The following ADAMTSL1 variants were observed in gnomAD, a reference collection of about 807,000 sequenced individuals.
The protein encoded by ADAMTSL1 is ADAMTS-like protein 1.
In ADAMTSL1, 126 loss-of-function variants were observed where a neutral mutation model predicts 201.8. The ratio of observed to expected loss-of-function variants is 0.62; its 90% confidence interval spans 0.54 to 0.72. ADAMTSL1 has a LOEUF of 0.72. Ranked by LOEUF, ADAMTSL1 falls within the 30% of genes least tolerant of loss-of-function variation. The pLI is 0.00. For missense variants in ADAMTSL1, 2,679 were observed against 2,277.8 expected (o/e 1.18, Z -3.59); for synonymous variants, 1,121 against 903.4 (o/e 1.24, Z -4.32).
In ADAMTSL1 at chr9:18,662,018, A is replaced by G; in HGVS notation, c.1030A>G (p.Asn344Asp). The change falls in exon 9 of 29, where the codon AAC becomes GAC. Residue 344 changes from asparagine to aspartate, a missense_variant. Physicochemically the swap from Asn to Asp is conservative, Grantham distance 23. Transcript: ENST00000380548. ...ADQYCHYYPE[N>D]IKPKPKLQEC... ...CCAATACTGTCACTATTACCCAGAG[A>G]ACATCAAACCCAAACCCAAGCTTCA... 1 of 1,614,092 alleles carries G rather than the reference A, an allele frequency of 6.2e-7. No individual in the cohort carries two copies.
chr9:18,040,042 T>C (rs1821368763), intron 1 of ADAMTSL1, among the ~76,000 whole-genome samples: 4 of 152,228 alleles, frequency 2.6e-5, no homozygotes, highest in Admixed American at 2.6e-4. Flanking sequence ...GCCTATGTCT[T>C]GGCATTTTGT....
chr9:18,585,242 T>C (rs984776173), intron 4 of ADAMTSL1, among the ~76,000 whole-genome samples: 3 of 152,214 alleles, frequency 2.0e-5, no homozygotes, highest in African/African-American at 7.2e-5. Context: ...TGAAAGAGTT[T>C]CTATGGCTTA....
In ADAMTSL1 at chr9:18,335,489, T is replaced by C. The variant is rs559303943; in HGVS notation, c.208-169340T>C. 1.2e-3 allele frequency among the ~76,000 whole-genome samples: 180 copies of C among 152,208 alleles called. 1 individual carries two copies. Among genetic ancestry groups the C allele is most frequent in the African/African-American group, 4.2e-3 (175 of 41,560 alleles). On this transcript the variant is annotated intron_variant, in intron 2 of 29. Coordinates refer to the ADAMTSL1 transcript ENST00000680146. ...TTCATAATGGGGCTGCCACAGGTGGTAATCTCTACAGAAGTATTGTGTGTT... is the reference window on the plus strand; with the variant it reads ...TTCATAATGGGGCTGCCACAGGTGGCAATCTCTACAGAAGTATTGTGTGTT...
intron 1 of ADAMTSL1, among the ~76,000 whole-genome samples, chr9:18,500,120 A>G (rs1796511943): frequency 6.6e-6 from 1 of 152,254 alleles, no homozygotes; most frequent in Non-Finnish European, 1.5e-5. Context: ...TCTATTGGGC[A>G]GTGAGCTGCA....
At chr9:18,396,788 A>T (rs1389551732) in intron 2 of ADAMTSL1, among the ~76,000 whole-genome samples, 1 of 152,106 alleles carries the variant, frequency 6.6e-6, no homozygotes, top group Non-Finnish European at 1.5e-5. Flanking sequence ...CTTTTAAATT[A>T]CAAGCATAAA....
At chr9:18,313,833 T>C (rs1563879575) in intron 2 of ADAMTSL1, among the ~76,000 whole-genome samples, 2 of 152,070 alleles carry the variant, frequency 1.3e-5, no homozygotes, top group South Asian at 2.1e-4. Flanking sequence ...AAATAAATGG[T>C]AGGTTTACAT....
rs764092800 is a variant in ADAMTSL1 at position 18,776,785 on chromosome 9, C to A, written c.2556C>A (p.Pro852=). Residue 852 remains proline, a synonymous_variant, in exon 19 of 29, where the codon CCC becomes CCA. Coordinates refer to ENST00000380548, the MANE Select transcript of ADAMTSL1 (RefSeq NM_001040272.6). ...TCGGGTTCGCTCTCCTTCCAGGGCC[C>A]GGGCGGCCATCCACGAAGCACAGCC... The part of the protein sequence containing the change: ...RPCMLATCAR[P]GRPSTKHSPH... The A allele has an allele frequency of 3.6e-5, 56 of 1,546,428 alleles. 1 individual carries two copies. The South Asian group carries it at 5.9e-4, about 16-fold the overall frequency.
At chr9:18,159,295 G>A (rs1251080268) in intron 1 of ADAMTSL1, among the ~76,000 whole-genome samples, 12 of 151,976 alleles carry the variant, frequency 7.9e-5, no homozygotes, top group Admixed American at 5.3e-4. Flanking sequence ...CCTAAGTAAT[G>A]TTGAAACCTA....
intron 2 of ADAMTSL1, among the ~76,000 whole-genome samples, chr9:18,464,642 A>G (rs562433086): frequency 4.6e-5 from 7 of 152,250 alleles, no homozygotes; most frequent in Middle Eastern, 3.2e-3. Context: ...CAATGTTTTC[A>G]TCACCATAAA....
intron 2 of ADAMTSL1, among the ~76,000 whole-genome samples, chr9:18,452,815 C>T (rs1350659449): frequency 6.6e-6 from 1 of 152,224 alleles, no homozygotes; most frequent in Non-Finnish European, 1.5e-5. Flanking sequence ...CCGCCAAGGC[C>T]TCACGCAGCC....
intron 1 of ADAMTSL1, among the ~76,000 whole-genome samples, chr9:17,972,648 G>A (rs1242727246): frequency 1.3e-5 from 2 of 151,734 alleles, no homozygotes; most frequent in East Asian, 3.9e-4. Context: ...CTTTATAGGA[G>A]CATGATTTAT....
At chr9:18,754,226 TACAA>T (rs1162501560) in intron 16 of ADAMTSL1, among the ~76,000 whole-genome samples, 1 of 152,248 alleles carries the variant, frequency 6.6e-6, no homozygotes, top group African/African-American at 2.4e-5. Flanking sequence ...GCTATCCCTT[TACAA>T]ACAAAATTTC....
intron 19 of ADAMTSL1, among the ~76,000 whole-genome samples, chr9:18,780,167 C>T (rs1456980899): frequency 1.3e-5 from 2 of 152,144 alleles, no homozygotes; most frequent in Non-Finnish European, 2.9e-5. Flanking sequence ...CTGGTGACTG[C>T]AGGAATGATG....
intron 3 of ADAMTSL1, among the ~76,000 whole-genome samples, chr9:18,563,716 A>T (rs1821692590): frequency 6.6e-6 from 1 of 152,190 alleles, no homozygotes; most frequent in African/African-American, 2.4e-5. Context: ...CTGCACAGAG[A>T]GGAGAAATCT....
In ADAMTSL1 at chr9:18,210,423, TAATA is replaced by T. The variant is rs1342414199; in HGVS notation, c.207+46447_207+46450del. ...ATATATTATTATATATGATATATAT[TAATA>T]AATATATTATGTATGATATATTAAT... On this transcript the variant is annotated intron_variant, in intron 2 of 29. Coordinates refer to the ADAMTSL1 transcript ENST00000680146. Among the ~76,000 whole-genome samples, 8 of 145,946 alleles carry T rather than the reference TAATA, an allele frequency of 5.5e-5. No homozygotes were observed. In the South Asian group the frequency reaches 8.4e-4, roughly 15 times the overall value.
rs956135897 is a variant in ADAMTSL1, at chr9:18,315,842, C to T, written c.207+151861C>T. Among the ~76,000 whole-genome samples the T allele has an allele frequency of 1.1e-4, 16 of 152,334 alleles. No individual in the cohort carries two copies. The South Asian group carries it at 1.2e-3, about 12-fold the overall frequency. On this transcript the variant is annotated intron_variant, in intron 2 of 29. Coordinates refer to the ADAMTSL1 transcript ENST00000680146. ...AGAGTGGACACCAAGGCCAAGGAGG[C>T]GCAGAGAGCGAGCGAGGGCTGCTAG... is the stretch of plus-strand genomic sequence containing the variant.
chr9:18,861,280 C>G (rs555637619), intron 23 of ADAMTSL1, among the ~76,000 whole-genome samples: 1 of 152,330 alleles, frequency 6.6e-6, no homozygotes, highest in South Asian at 2.1e-4. Context: ...AGAACTGATT[C>G]AATCAAGTTA....
rs545693258 is a variant in ADAMTSL1, at chr9:18,267,302, T to G, written c.207+103321T>G. Among the ~76,000 whole-genome samples, 110 of 152,252 alleles carry G rather than the reference T, an allele frequency of 7.2e-4. No homozygotes were observed. The South Asian group carries it at 0.021, about 29-fold the overall frequency. On this transcript the variant is annotated intron_variant, in intron 2 of 29. Coordinates refer to the ADAMTSL1 transcript ENST00000680146. ...TAGTATGAGTATCAGCCAAGCTCAG[T>G]TCCAGATGGTATTTAAAGGGTAGCA...
chr9:18,510,866 G>A (rs896513849), intron 2 of ADAMTSL1, among the ~76,000 whole-genome samples: 3 of 151,936 alleles, frequency 2.0e-5, no homozygotes, highest in East Asian at 1.9e-4. Context: ...CCTCTCTCCA[G>A]TTCTTCACCC....
Sources: gnomAD v4.1 joint callset for allele counts (sites outside exome capture counted in the v4.1 genomes callset) on GRCh38, gnomAD v4.1.1 for gene constraint, MANE v1.5 for transcripts, NCBI Gene and HGNC (gene_info 2026-07-23, HGNC 2026-07-21) for gene names.